Variants in CTNNA3 observed in about 807,000 individuals in gnomAD.
CTNNA3 encodes the protein catenin alpha 3.
A neutral mutation model predicts 95.7 loss-of-function variants in CTNNA3; 76 were observed. The observed-to-expected ratio is 0.79, with a 90% CI of 0.66 to 0.96. CTNNA3 has a LOEUF of 0.96. Among genes scored for constraint, CTNNA3 ranks in the 40% least tolerant of loss-of-function variants. The pLI, the probability that CTNNA3 is intolerant of heterozygous loss-of-function variation, is 0.00. For missense variants in CTNNA3, 1,191 were observed against 1,089.8 expected (o/e 1.09, Z -1.31); for synonymous variants, 431 against 374.4 (o/e 1.15, Z -1.74).
intron 7 of CTNNA3, among the ~76,000 whole-genome samples, chr10:66,970,037 A>C (rs749547980): frequency 6.6e-6 from 1 of 152,182 alleles, no homozygotes; most frequent in Non-Finnish European, 1.5e-5. Context: ...AGTCAAGGCG[A>C]GTTCCATAGG....
chr10:66,654,770 G>C (rs1410475597), intron 9 of CTNNA3, among the ~76,000 whole-genome samples: 1 of 151,956 alleles, frequency 6.6e-6, no homozygotes. Context: ...AATACCATTT[G>C]GTCTTAAATA....
At chr10:66,586,062 A>G (rs1843350761) in intron 10 of CTNNA3, among the ~76,000 whole-genome samples, 1 of 152,060 alleles carries the variant, frequency 6.6e-6, no homozygotes, top group Non-Finnish European at 1.5e-5. Context: ...ATCATTGTGA[A>G]GTGTCTTTCT....
In CTNNA3 at chr10:67,645,533, C is replaced by A. The variant is rs148989422; in HGVS notation, c.99+1882G>T. Among the ~76,000 whole-genome samples the A allele has an allele frequency of 6.6e-5, 10 of 152,192 alleles. No homozygotes were observed. The East Asian group carries it at 1.9e-3, about 29-fold the overall frequency. On this transcript the variant is annotated intron_variant, in intron 2 of 17. Coordinates refer to ENST00000433211, the MANE Select transcript of CTNNA3 (RefSeq NM_013266.4). ...CCTACTCCTTATAATTGGATAGGAA[C>A]AAAACCTTAAATGACTTGTGAGAAC...
At chr10:66,339,665 C>T (rs375789385) in intron 12 of CTNNA3, among the ~76,000 whole-genome samples, 4 of 151,624 alleles carry the variant, frequency 2.6e-5, no homozygotes, top group African/African-American at 7.3e-5. Flanking sequence ...ACTTGAGTGC[C>T]GTCTAATGTC....
chr10:66,200,608 C>T (rs1157838087), intron 13 of CTNNA3, among the ~76,000 whole-genome samples: 1 of 152,150 alleles, frequency 6.6e-6, no homozygotes, highest in Admixed American at 6.5e-5. Context: ...CAGAATTGCA[C>T]TGCGAATGTA....
chr10:66,070,115 G>T (rs1284887373), intron 14 of CTNNA3, among the ~76,000 whole-genome samples: 1 of 151,892 alleles, frequency 6.6e-6, no homozygotes, highest in Non-Finnish European at 1.5e-5. Flanking sequence ...CATTTTGTTT[G>T]TATTTTTTCT....
intron 7 of CTNNA3, among the ~76,000 whole-genome samples, chr10:66,867,727 C>T (rs11818086): frequency 0.15 from 22,020 of 151,760 alleles, 2,039 homozygotes; most frequent in African/African-American, 0.26. Flanking sequence ...ACAAAATAAA[C>T]AAAATACTCT....
intron 9 of CTNNA3, among the ~76,000 whole-genome samples, chr10:66,646,760 T>G (rs1168781719): frequency 6.6e-6 from 1 of 152,138 alleles, no homozygotes; most frequent in African/African-American, 2.4e-5. Flanking sequence ...CAAGTCTTGT[T>G]CAGATGGAAA....
chr10:66,113,578 G>A (rs540595468), intron 13 of CTNNA3, among the ~76,000 whole-genome samples: 2 of 152,208 alleles, frequency 1.3e-5, no homozygotes, highest in Non-Finnish European at 2.9e-5. Context: ...TTAACTTGTT[G>A]AGAACACAGC....
chr10:67,680,334 C>T (rs1840603847), intron 1 of CTNNA3, among the ~76,000 whole-genome samples: 1 of 152,174 alleles, frequency 6.6e-6, no homozygotes, highest in Non-Finnish European at 1.5e-5. Flanking sequence ...TCACTAGGGA[C>T]TATCAGTCCT....
chr10:66,848,368 T>C (rs1226160676), intron 7 of CTNNA3, among the ~76,000 whole-genome samples: 1 of 152,154 alleles, frequency 6.6e-6, no homozygotes, highest in African/African-American at 2.4e-5. Context: ...TACACGGTTT[T>C]AGTGATATGA....
chr10:65,990,301 C>T (rs1210177840), intron 15 of CTNNA3, among the ~76,000 whole-genome samples: 1 of 150,738 alleles, frequency 6.6e-6, no homozygotes, highest in East Asian at 1.9e-4. Context: ...TGAGAAATAT[C>T]CATATTGTTT....
intron 5 of CTNNA3, among the ~76,000 whole-genome samples, chr10:67,373,950 TAG>T (rs1436852495): frequency 2.0e-5 from 3 of 152,158 alleles, no homozygotes; most frequent in African/African-American, 7.2e-5. Context: ...GTCAGGCACT[TAG>T]TTGTAATGTT....
intron 5 of CTNNA3, among the ~76,000 whole-genome samples, chr10:67,360,676 A>G (rs189081029): frequency 2.5e-4 from 38 of 152,258 alleles, no homozygotes; most frequent in Admixed American, 1.7e-3. Context: ...TCATGGTGGA[A>G]GGCAAAGAGG....
chr10:67,456,943 A>G (rs1847196111), intron 5 of CTNNA3, among the ~76,000 whole-genome samples: 1 of 152,158 alleles, frequency 6.6e-6, no homozygotes, highest in South Asian at 2.1e-4. Context: ...ACAAACAAAA[A>G]AACATATCCT....
chr10:67,327,567 C>A (rs1841590462), intron 5 of CTNNA3, among the ~76,000 whole-genome samples: 1 of 152,170 alleles, frequency 6.6e-6, no homozygotes, highest in Admixed American at 6.5e-5. Context: ...CAACTTTGTT[C>A]TCTGGCTCCT....
chr10:66,279,464 C>A (rs2091456707), intron 13 of CTNNA3, among the ~76,000 whole-genome samples: 1 of 152,096 alleles, frequency 6.6e-6, no homozygotes, highest in East Asian at 1.9e-4. Flanking sequence ...GCCACAAAAG[C>A]TTGATTGGCC....
chr10:66,445,993 T>A (rs1478695511), intron 11 of CTNNA3, among the ~76,000 whole-genome samples: 3 of 151,978 alleles, frequency 2.0e-5, no homozygotes, highest in Non-Finnish European at 4.4e-5. Flanking sequence ...AAAGGGGATA[T>A]CACTACCAAT....
At chr10:65,973,256 A>C (rs563436228) in intron 16 of CTNNA3, among the ~76,000 whole-genome samples, 9 of 152,294 alleles carry the variant, frequency 5.9e-5, no homozygotes, top group African/African-American at 2.2e-4. Flanking sequence ...CCTTGAAGAA[A>C]AACCTAGGCA....
Sources: allele counts gnomAD v4.1 joint callset (sites outside exome capture counted in the v4.1 genomes callset), GRCh38; gene constraint gnomAD v4.1.1; transcripts MANE v1.5; gene names NCBI Gene and HGNC (gene_info 2026-07-23, HGNC 2026-07-21).